Variants in ADAM17 observed in about 807,000 individuals in gnomAD.
The protein encoded by ADAM17 is ADAM metallopeptidase domain 17, also known as disintegrin and metalloproteinase domain-containing protein 17.
ADAM17 carries 39 observed loss-of-function variants against 96.7 expected under a neutral mutation model. The observed-to-expected ratio is 0.40, with a 90% confidence interval of 0.31 to 0.53. The LOEUF (loss-of-function observed/expected upper bound fraction) is 0.53. Ranked by LOEUF, ADAM17 falls within the 20% of genes least tolerant of loss-of-function variation. The pLI is 0.44. For missense variants in ADAM17, 777 were observed against 1,013.2 expected, an observed-to-expected ratio of 0.77 and a Z score of 3.17; for synonymous variants, 344 against 359.2, an observed-to-expected ratio of 0.96 and a Z score of 0.48.
In ADAM17 at chr2:9,535,906, C is replaced by T; in HGVS notation, c.378G>A (p.Arg126=). 6.3e-7 allele frequency: 1 copy of T among 1,584,294 alleles called. No individual in the cohort carries two copies. Among genetic ancestry groups the T allele is most frequent in the Non-Finnish European group, 8.6e-7 (1 of 1,166,484 alleles). Residue 126 remains arginine, a synonymous_variant, in exon 4 of 19, where the codon AGG becomes AGA. Transcript: ENST00000310823. ...CATCATCTCTTATGTGGGCTAGAAC[C>T]CTAGAGTCAGGCTCACCTTAAGAGA... ...TGHVVGEPDS[R]VLAHIRDDDV... is the part of the protein sequence containing the mutation.
chr2:9,536,009 A>G, intron 3 of ADAM17, 87 bp from the exon 4 acceptor site: 1 of 920,398 alleles, frequency 1.1e-6, no homozygotes, highest in South Asian at 2.4e-5. Flanking sequence ...TAAATCCTTC[A>G]GGGTGGAATT....
At position 9,492,963 on chromosome 2, in the gene ADAM17, C is replaced by T. The variant is rs61754177; in HGVS notation, c.2017G>A (p.Val673Ile). The T allele has an allele frequency of 7.5e-3, 12,011 of 1,611,580 alleles. 67 individuals are homozygous for T. The highest frequency in any genetic ancestry group is 0.022 in the Admixed American group (1,295 of 59,730). ...AAGGAGAAAACCAGGACAGACCCAACGATGTTGTCTGCTAAAAACTTTCCT... is the reference window on the plus strand; with the variant it reads ...AAGGAGAAAACCAGGACAGACCCAATGATGTTGTCTGCTAAAAACTTTCCT... ...TFGKFLADNI[V>I]GSVLVFSLIF... The change falls in exon 17 of 19, where the codon GTT becomes ATT. Residue 673 changes from valine (V) to isoleucine (I), a missense_variant. Val to Ile is a conservative substitution (Grantham distance 29). Transcript: ENST00000310823.
At position 9,535,941 on chromosome 2, in the gene ADAM17, T is replaced by C; in HGVS notation, c.362-19A>G. 7.1e-7 allele frequency: 1 copy of C among 1,413,280 alleles called. No individual in the cohort carries two copies. Among genetic ancestry groups the C allele is most frequent in the Non-Finnish European group, 9.5e-7 (1 of 1,049,930 alleles). The allele number at this position is 1,413,280 out of a possible 1,614,324, so 87.5% of individuals were successfully genotyped here. On this transcript the variant is annotated intron_variant, in intron 3 of 18. Transcript: ENST00000310823. The stretch of plus-strand genomic sequence containing the variant: ...GGCTCACCTTAAGAGAAAAAAAAAA[T>C]TATTATTTAAAAATACTTACATCAA...
At chr2:9,538,153 G>A (rs1378846131) in intron 2 of ADAM17, among the ~76,000 whole-genome samples, 1 of 152,128 alleles carries the variant, frequency 6.6e-6, no homozygotes, top group Non-Finnish European at 1.5e-5. Flanking sequence ...ACTAGGAGTG[G>A]TGAGCAAGAC....
chr2:9,527,691 C>A lies in ADAM17; in HGVS notation c.619+95G>T, dbSNP rs375848110. ...CATGCCAAATACTATAGTTACTTGA[C>A]AATCATGTTATTTTTTAACAAATAA... On this transcript the variant is annotated intron_variant, in intron 5 of 18. Coordinates refer to ENST00000310823, the MANE Select transcript of ADAM17 (RefSeq NM_003183.6). 3.0e-5 allele frequency: 25 copies of A among 847,420 alleles called. No individual in the cohort carries two copies. The East Asian group carries it at 6.2e-4, about 21-fold the overall frequency. 52.5% of individuals were successfully genotyped at this position (847,420 alleles called of 1,614,324 possible).
At chr2:9,542,669 A>G (rs1228794572) in intron 2 of ADAM17, among the ~76,000 whole-genome samples, 2 of 152,136 alleles carry the variant, frequency 1.3e-5, no homozygotes, top group Non-Finnish European at 2.9e-5. Context: ...TACTTTTTTA[A>G]AAATACTCAT....
intron 4 of ADAM17, among the ~76,000 whole-genome samples, chr2:9,534,526 C>T (rs892332323): frequency 3.3e-5 from 5 of 152,116 alleles, no homozygotes; most frequent in Admixed American, 3.3e-4. Context: ...CAGAGCAAGA[C>T]TCCGTCTCAA....
chr2:9,514,330 G>A (rs1663913168), intron 10 of ADAM17, among the ~76,000 whole-genome samples: 1 of 124,822 alleles, frequency 8.0e-6, no homozygotes, highest in African/African-American at 3.1e-5. Context: ...ACACAGGAAG[G>A]GGAACATCAC....
intron 4 of ADAM17, among the ~76,000 whole-genome samples, chr2:9,533,228 T>C (rs1251017008): frequency 6.6e-6 from 1 of 150,734 alleles, no homozygotes; most frequent in African/African-American, 2.4e-5. Context: ...TTAACTTGGA[T>C]CCTAAAGACA....
chr2:9,525,500 C>T (rs929378683), intron 6 of ADAM17, among the ~76,000 whole-genome samples: 8 of 152,096 alleles, frequency 5.3e-5, no homozygotes, highest in African/African-American at 9.7e-5. Flanking sequence ...GTAATCATGA[C>T]GAATGAAGTC....
intron 17 of ADAM17, among the ~76,000 whole-genome samples, chr2:9,491,699 TG>T (rs1164159990): frequency 6.6e-6 from 1 of 152,230 alleles, no homozygotes. Context: ...GGCCATCTGC[TG>T]CCCCATCCCT....
At chr2:9,493,041 G>A (rs1662290722) in intron 16 of ADAM17, 55 bp from the exon 17 acceptor site, 23 of 1,411,164 alleles carry the variant, frequency 1.6e-5, no homozygotes, top group Non-Finnish European at 2.3e-5. Context: ...CAAATCTAAA[G>A]TGAAATGCTC....
In ADAM17 at chr2:9,496,699, A is replaced by C. The variant is rs187152427; in HGVS notation, c.1783+415T>G. 5.9e-5 allele frequency among the ~76,000 whole-genome samples: 9 copies of C among 152,338 alleles called. No individual in the cohort carries two copies. The East Asian group carries it at 1.7e-3, about 29-fold the overall frequency. The stretch of plus-strand genomic sequence containing the variant: ...TCTAGTGGGGTTAGGTCCTGGAATC[A>C]GCTCTCTCTGGTGGAGTTGTTGCAG... On this transcript the variant is annotated intron_variant, in intron 14 of 18. Coordinates refer to ENST00000310823, the MANE Select transcript of ADAM17 (RefSeq NM_003183.6).
intron 13 of ADAM17, among the ~76,000 whole-genome samples, chr2:9,499,452 A>G (rs1662865409): frequency 6.6e-6 from 1 of 151,844 alleles, no homozygotes; most frequent in Non-Finnish European, 1.5e-5. Context: ...CCCAGGCTGG[A>G]GTGCAGTGGC....
chr2:9,499,113 CTTTTTTTTT>C (rs59259119), intron 13 of ADAM17, among the ~76,000 whole-genome samples: 1 of 47,518 alleles, frequency 2.1e-5, no homozygotes, highest in Non-Finnish European at 9.7e-5. Context: ...CTTTCTTCTT[CTTTTTTTTT>C]TTTTTTTTTG....
intron 10 of ADAM17, among the ~76,000 whole-genome samples, chr2:9,514,542 T>G (rs908993064): frequency 2.4e-5 from 1 of 41,530 alleles, no homozygotes. Context: ...TATATATATA[T>G]ATATATATAT....
At chr2:9,509,406 A>T (rs1460407115) in intron 11 of ADAM17, among the ~76,000 whole-genome samples, 1 of 152,216 alleles carries the variant, frequency 6.6e-6, no homozygotes, top group Non-Finnish European at 1.5e-5. Flanking sequence ...TCTCTATCAG[A>T]AACCCCCAAT....
In ADAM17 at chr2:9,489,997, CT is replaced by C. The variant is rs1485111636; in HGVS notation, c.*179del. The C allele has an allele frequency of 1.8e-6, 1 of 556,976 alleles. No individual in the cohort carries two copies. The highest frequency in any genetic ancestry group is 4.8e-4 in the Middle Eastern group (1 of 2,072). 34.5% of individuals were successfully genotyped at this position (556,976 alleles called of 1,614,324 possible). A position where few individuals can be genotyped will look rare whatever the true frequency, so the allele number is the denominator to read the frequency against. ...TAAGCTAGATTCACCTTCACCTTACCTTTTCAAAAGGAGAAGGGCCAAACCA... is the reference window on the plus strand; with the variant it reads ...TAAGCTAGATTCACCTTCACCTTACCTTTCAAAAGGAGAAGGGCCAAACCA... On this transcript the variant is annotated 3_prime_UTR_variant, in exon 19 of 19. Coordinates refer to ENST00000310823, the MANE Select transcript of ADAM17 (RefSeq NM_003183.6).
chr2:9,536,930 TA>T, intron 2 of ADAM17, 102 bp from the exon 3 acceptor site: 6 of 1,330,230 alleles, frequency 4.5e-6, no homozygotes, highest in Non-Finnish European at 6.2e-6. Flanking sequence ...TTGACATTAA[TA>T]AAACACTATG....
Sources: allele counts gnomAD v4.1 joint callset (sites outside exome capture counted in the v4.1 genomes callset), GRCh38; gene constraint gnomAD v4.1.1; transcripts MANE v1.5; gene names NCBI Gene and HGNC (gene_info 2026-07-23, HGNC 2026-07-21).